AXDND1: variants seen among roughly 807,000 people sequenced by gnomAD.
AXDND1 encodes axonemal dynein light chain domain-containing protein 1.
Under a neutral mutation model 137.5 loss-of-function variants are expected in AXDND1, and 110 were observed. The observed-to-expected ratio is 0.80, with a 90% CI of 0.69 to 0.94. The LOEUF is 0.94. Among genes scored for constraint, AXDND1 ranks in the 40% least tolerant of loss-of-function variants. The probability of loss-of-function intolerance (pLI) is 0.00; values close to 1 mark genes in which losing one functional copy is unlikely to be tolerated. For missense variants in AXDND1, 1,191 were observed against 1,169.8 expected (o/e 1.02, Z -0.26); for synonymous variants, 414 against 399.7 (o/e 1.04, Z -0.43).
chr1:179,370,737 A>G (rs997953061), intron 4 of AXDND1, among the ~76,000 whole-genome samples: 1 of 152,170 alleles, frequency 6.6e-6, no homozygotes, highest in African/African-American at 2.4e-5. Flanking sequence ...TGTCCCTTCT[A>G]CTGAAACAAA....
intron 13 of AXDND1, 130 bp downstream of exon 13, chr1:179,429,749 T>A: frequency 2.2e-6 from 1 of 452,586 alleles, no homozygotes. Flanking sequence ...TTGTACAGAA[T>A]GAAAAATCTA....
intron 25 of AXDND1, 49 bp from the exon 26 acceptor site, chr1:179,554,463 A>G (rs1423094126): frequency 1.9e-6 from 3 of 1,614,110 alleles, no homozygotes; most frequent in East Asian, 4.5e-5. Flanking sequence ...TTGCTAGTTA[A>G]TTTCCTACCC....
chr1:179,530,694 A>G (rs967035336), intron 23 of AXDND1, among the ~76,000 whole-genome samples: 1 of 152,188 alleles, frequency 6.6e-6, no homozygotes, highest in Non-Finnish European at 1.5e-5. Flanking sequence ...ACTACAGATC[A>G]CTAAAGACCA....
chr1:179,473,260 CCA>C lies in AXDND1; in HGVS notation c.1997+4620_1997+4621del, dbSNP rs369705316. ...CCTGTAATCCCAGCACTTTGGGAGG[CCA>C]AGATGGGGGTGGATCACCTGAGGTC... is the stretch of plus-strand genomic sequence containing the variant. On this transcript the variant is annotated intron_variant, in intron 17 of 25. Transcript: ENST00000367618. Among the ~76,000 whole-genome samples, 11 of 152,130 alleles carry C rather than the reference CCA, an allele frequency of 7.2e-5. No individual in the cohort carries two copies. In the East Asian group the frequency reaches 1.6e-3, roughly 21 times the overall value.
At chr1:179,491,307 G>A (rs750706638) in intron 18 of AXDND1, among the ~76,000 whole-genome samples, 4 of 151,900 alleles carry the variant, frequency 2.6e-5, no homozygotes, top group South Asian at 2.1e-4. Flanking sequence ...GTGACACCCC[G>A]TTTCAAAAAA....
intron 16 of AXDND1, chr1:179,449,650 T>G (rs561931188): frequency 6.7e-6 from 1 of 149,582 alleles, no homozygotes; most frequent in African/African-American, 2.4e-5. Context: ...TAAACATGGA[T>G]TTTTTTTCAA....
chr1:179,477,580 A>G lies in AXDND1; in HGVS notation c.1998-5548A>G, dbSNP rs183333179. 7.9e-5 allele frequency among the ~76,000 whole-genome samples: 12 copies of G among 151,912 alleles called. No individual in the cohort carries two copies. The East Asian group carries it at 1.6e-3, about 20-fold the overall frequency. On this transcript the variant is annotated intron_variant, in intron 17 of 25. Transcript: ENST00000367618. ...TGGGGGAAACCACCCCCATGATTCA[A>G]TTATCTCCCACTGGGTTCCTGCCAC...
intron 23 of AXDND1, among the ~76,000 whole-genome samples, chr1:179,529,923 A>G (rs1475318793): frequency 2.0e-5 from 3 of 152,186 alleles, no homozygotes; most frequent in Non-Finnish European, 2.9e-5. Flanking sequence ...CTTGGGAGAC[A>G]TCAGAGAACT....
intron 3 of AXDND1, 96 bp downstream of exon 3, chr1:179,369,068 A>G: frequency 1.6e-6 from 2 of 1,250,582 alleles, no homozygotes; most frequent in Non-Finnish European, 2.2e-6. Context: ...TATATTCCAG[A>G]TAGCCTTAAA....
At chr1:179,447,151 G>A (rs1659852726) in intron 16 of AXDND1, among the ~76,000 whole-genome samples, 1 of 151,984 alleles carries the variant, frequency 6.6e-6, no homozygotes, top group African/African-American at 2.4e-5. Context: ...TTGAATACAG[G>A]GGTATATTTG....
chr1:179,476,248 C>T (rs1664609959), intron 17 of AXDND1, among the ~76,000 whole-genome samples: 1 of 152,182 alleles, frequency 6.6e-6, no homozygotes, highest in Non-Finnish European at 1.5e-5. Flanking sequence ...GTCATCATTT[C>T]TATCACCCAT....
intron 25 of AXDND1, among the ~76,000 whole-genome samples, chr1:179,536,367 C>A (rs1055514798): frequency 3.9e-5 from 6 of 152,114 alleles, no homozygotes; most frequent in Admixed American, 6.6e-5. Flanking sequence ...AGTCTTTAAT[C>A]CATCTTGAGT....
chr1:179,503,646 T>A (rs558356429), intron 20 of AXDND1, among the ~76,000 whole-genome samples: 4 of 152,244 alleles, frequency 2.6e-5, no homozygotes, highest in African/African-American at 9.6e-5. Context: ...GTTGGTGTGC[T>A]GCACCCATTA....
intron 15 of AXDND1, among the ~76,000 whole-genome samples, chr1:179,438,656 G>A (rs546473785): frequency 1.3e-5 from 2 of 152,334 alleles, no homozygotes; most frequent in East Asian, 3.9e-4. Flanking sequence ...ACAGGAATCC[G>A]TAGCCCAGGG....
chr1:179,419,671 CAGAGAG>C (rs1558151449), intron 12 of AXDND1, among the ~76,000 whole-genome samples: 4 of 129,654 alleles, frequency 3.1e-5, no homozygotes, highest in East Asian at 2.3e-4. Flanking sequence ...GGGAGGGAGA[CAGAGAG>C]GGAGAGGGAG....
At chr1:179,466,051 C>T (rs1663119927) in intron 16 of AXDND1, among the ~76,000 whole-genome samples, 1 of 152,120 alleles carries the variant, frequency 6.6e-6, no homozygotes, top group African/African-American at 2.4e-5. Flanking sequence ...GAGGGAAGTC[C>T]CTGACCCCTT....
intron 15 of AXDND1, among the ~76,000 whole-genome samples, chr1:179,443,928 A>G (rs1260443689): frequency 6.6e-6 from 1 of 151,728 alleles, no homozygotes; most frequent in Non-Finnish European, 1.5e-5. Flanking sequence ...TATCAAAATC[A>G]TTCCCTAATA....
rs75561487 is a variant in AXDND1 at position 179,426,371 on chromosome 1, T to C, written c.1231-3147T>C. On this transcript the variant is annotated intron_variant, in intron 12 of 25. Transcript: ENST00000367618. Reference sequence around the variant, plus strand: ...AATAGCCAATAAATATATGAAAATATGTTCAACCTCACCAATCATCAATAA... The same window carrying C: ...AATAGCCAATAAATATATGAAAATACGTTCAACCTCACCAATCATCAATAA... 8.6e-3 allele frequency among the ~76,000 whole-genome samples: 1,310 copies of C among 152,292 alleles called. 41 individuals carry two copies. Among genetic ancestry groups the C allele is most frequent in the Admixed American group, 0.055 (847 of 15,266 alleles).
At chr1:179,539,663 T>G (rs1671920568) in intron 25 of AXDND1, among the ~76,000 whole-genome samples, 1 of 152,172 alleles carries the variant, frequency 6.6e-6, no homozygotes, top group East Asian at 1.9e-4. Flanking sequence ...TGAAAATATG[T>G]GTCTTGGGGT....
Sources: gnomAD v4.1 joint callset for allele counts (sites outside exome capture counted in the v4.1 genomes callset) on GRCh38, gnomAD v4.1.1 for gene constraint, MANE v1.5 for transcripts, NCBI Gene and HGNC (gene_info 2026-07-23, HGNC 2026-07-21) for gene names.